Variants in ATP13A4 observed in about 807,000 individuals in gnomAD.
The protein encoded by ATP13A4 is probable cation-transporting ATPase 13A4.
In ATP13A4, 114 loss-of-function variants were observed where a neutral mutation model predicts 142.5. That is an observed-to-expected ratio of 0.80 (90% CI 0.69 to 0.93). ATP13A4 has a LOEUF of 0.93. Ranked by LOEUF, ATP13A4 falls within the 40% of genes least tolerant of loss-of-function variation. ATP13A4 has a pLI of 0.00. For synonymous variants in ATP13A4, 488 were observed against 514.8 expected (o/e 0.95, Z 0.70); for missense variants, 1,392 against 1,454.0 (o/e 0.96, Z 0.69).
chr3:193,446,224 A>C (rs1232597037), intron 18 of ATP13A4, among the ~76,000 whole-genome samples: 1 of 152,216 alleles, frequency 6.6e-6, no homozygotes, highest in East Asian at 1.9e-4. Flanking sequence ...AGATAGACTG[A>C]GAGGATAGAT....
Position 193,551,305 on chromosome 3 carries a change from C to T in ATP13A4, c.60+3435G>A, listed in dbSNP as rs144200503. Among the ~76,000 whole-genome samples the T allele has an allele frequency of 6.9e-3, 1,053 of 151,992 alleles. 13 individuals are homozygous for T. The highest frequency in any genetic ancestry group is 0.024 in the African/African-American group (1,008 of 41,460). On this transcript the variant is annotated intron_variant, in intron 1 of 29. Transcript: ENST00000342695. ...GCATGCAGCTGTAGTCCCAGGTACT[C>T]GGGAGGCTGAAGCAGGAGAAACACT...
intron 3 of ATP13A4, among the ~76,000 whole-genome samples, chr3:193,495,248 A>ACCCTG (rs950063777): frequency 1.3e-5 from 2 of 152,120 alleles, no homozygotes; most frequent in Non-Finnish European, 2.9e-5. Flanking sequence ...AATATGCATC[A>ACCCTG]GGTGATATGC....
At chr3:193,431,949 A>G (rs1716000927) in intron 25 of ATP13A4, among the ~76,000 whole-genome samples, 1 of 152,178 alleles carries the variant, frequency 6.6e-6, no homozygotes, top group South Asian at 2.1e-4. Context: ...ATGGAATGGT[A>G]GTAGAATTAG....
chr3:193,493,067 C>T (rs1720030668), intron 4 of ATP13A4, 23 bp downstream of exon 4: 1 of 1,610,200 alleles, frequency 6.2e-7, no homozygotes. Flanking sequence ...TCTTCTTTGG[C>T]TGTACTTGCT....
At chr3:193,403,278 A>G (rs1433278326) in intron 29 of ATP13A4, among the ~76,000 whole-genome samples, 2 of 152,186 alleles carry the variant, frequency 1.3e-5, no homozygotes, top group Admixed American at 1.3e-4. Flanking sequence ...CTATATAAAG[A>G]TGTGGCCCAT....
chr3:193,476,862 C>T (rs1254705738), intron 8 of ATP13A4, among the ~76,000 whole-genome samples: 1 of 151,942 alleles, frequency 6.6e-6, no homozygotes, highest in African/African-American at 2.4e-5. Context: ...GTTCATAGTG[C>T]CCCAAAACAA....
intron 25 of ATP13A4, among the ~76,000 whole-genome samples, chr3:193,428,150 CA>C (rs1424302281): frequency 2.0e-5 from 3 of 152,046 alleles, no homozygotes; most frequent in Non-Finnish European, 4.4e-5. Context: ...AGACACTTCT[CA>C]AAAGAAGACA....
At position 193,504,155 on chromosome 3, in the gene ATP13A4, T is replaced by C. The variant is rs186554823; in HGVS notation, c.235-1516A>G. 3.3e-3 allele frequency among the ~76,000 whole-genome samples: 508 copies of C among 152,136 alleles called. 1 individual carries two copies. Among genetic ancestry groups the C allele is most frequent in the African/African-American group, 0.011 (475 of 41,480 alleles). On this transcript the variant is annotated intron_variant, in intron 2 of 29. Transcript: ENST00000342695. ...AAGCCAATGTAATTGGCTGTTACACTGTGGATTTAAAAAAAAAGGTGACTA... is the reference window on the plus strand; with the variant it reads ...AAGCCAATGTAATTGGCTGTTACACCGTGGATTTAAAAAAAAAGGTGACTA...
At chr3:193,485,285 C>T (rs1010924133) in intron 7 of ATP13A4, among the ~76,000 whole-genome samples, 7 of 150,488 alleles carry the variant, frequency 4.7e-5, no homozygotes, top group African/African-American at 1.8e-4. Flanking sequence ...AGCAGTTACA[C>T]GTACAGGTAG....
At chr3:193,478,358 T>C (rs1286281827) in intron 8 of ATP13A4, among the ~76,000 whole-genome samples, 1 of 150,350 alleles carries the variant, frequency 6.7e-6, no homozygotes, top group Non-Finnish European at 1.5e-5. Flanking sequence ...AAAAGATAAA[T>C]AAAATTGATG....
chr3:193,462,492 T>C (rs1560204903), intron 13 of ATP13A4, among the ~76,000 whole-genome samples: 1 of 152,124 alleles, frequency 6.6e-6, no homozygotes, highest in Non-Finnish European at 1.5e-5. Flanking sequence ...GGAAGCAAAT[T>C]ATATTTTAGC....
At chr3:193,543,638 G>A (rs1221393094) in intron 1 of ATP13A4, among the ~76,000 whole-genome samples, 1 of 152,162 alleles carries the variant, frequency 6.6e-6, no homozygotes, top group African/African-American at 2.4e-5. Flanking sequence ...GCTTCTGAAT[G>A]TAGAATGCTA....
At position 193,400,547 on chromosome 3, in the gene ATP13A4, GCAACCTGCCCTGCTGGAAC is replaced by G. The variant is rs1416852257; in HGVS notation, c.*2086_*2104del. 1.3e-5 allele frequency among the ~76,000 whole-genome samples: 2 copies of G among 152,230 alleles called. No individual in the cohort carries two copies. Among genetic ancestry groups the G allele is most frequent in the East Asian group, 3.8e-4 (2 of 5,196 alleles). Reference sequence around the variant, plus strand: ...TTGCTTGACTGTGAGATCACACTAAGCAACCTGCCCTGCTGGAACTCTGGAATTTGGAAGTATTTGGCAG... The same window carrying G: ...TTGCTTGACTGTGAGATCACACTAAGTCTGGAATTTGGAAGTATTTGGCAG... On this transcript the variant is annotated 3_prime_UTR_variant, in exon 30 of 30. Coordinates refer to ENST00000342695, the MANE Select transcript of ATP13A4 (RefSeq NM_032279.4).
At chr3:193,448,525 G>A (rs534543405) in intron 17 of ATP13A4, among the ~76,000 whole-genome samples, 195 bp from the exon 18 acceptor site, 5 of 152,174 alleles carry the variant, frequency 3.3e-5, no homozygotes, top group South Asian at 2.1e-4. Flanking sequence ...TAATAGATAC[G>A]GGGTTTCACC....
At chr3:193,584,629 CA>C (rs142648409) in intron 1 of ATP13A4, among the ~76,000 whole-genome samples, 78,340 of 150,120 alleles carry the variant, frequency 0.52, 21,076 homozygotes, top group African/African-American at 0.65. Context: ...TTTTTTTTAA[CA>C]AAAAAAGATA....
intron 13 of ATP13A4, 92 bp downstream of exon 13, chr3:193,462,669 CA>C: frequency 1.6e-6 from 2 of 1,255,278 alleles, no homozygotes; most frequent in Non-Finnish European, 2.3e-6. Flanking sequence ...AGCCAAAGTC[CA>C]AATGTCTCCA....
chr3:193,449,642 T>C (rs1311865966), intron 17 of ATP13A4, among the ~76,000 whole-genome samples: 1 of 152,228 alleles, frequency 6.6e-6, no homozygotes, highest in Non-Finnish European at 1.5e-5. Flanking sequence ...TCCAGCCAAG[T>C]TGAACCACTA....
chr3:193,515,067 G>A (rs889332797), intron 1 of ATP13A4, among the ~76,000 whole-genome samples, 196 bp from the exon 2 acceptor site: 16 of 152,120 alleles, frequency 1.1e-4, no homozygotes, highest in Non-Finnish European at 1.5e-5. Flanking sequence ...AGGAAGCAAG[G>A]AAGTCACAGT....
chr3:193,436,856 G>A lies in ATP13A4; in HGVS notation c.2673-1112C>T, dbSNP rs796484574. On this transcript the variant is annotated intron_variant, in intron 23 of 29. Transcript: ENST00000342695. ...GCGGTGGCTCACGCCTGTAATCCCA[G>A]CACTTTGGGAGGCCGAGGCGGGCGG... Among the ~76,000 whole-genome samples, 47 of 149,884 alleles carry A rather than the reference G, an allele frequency of 3.1e-4. 5 individuals carry two copies. Among genetic ancestry groups the A allele is most frequent in the African/African-American group, 1.1e-3 (43 of 39,962 alleles).
Sources: allele counts gnomAD v4.1 joint callset (sites outside exome capture counted in the v4.1 genomes callset), GRCh38; gene constraint gnomAD v4.1.1; transcripts MANE v1.5; gene names NCBI Gene and HGNC (gene_info 2026-07-23, HGNC 2026-07-21).